The following PTH2R variants were observed in gnomAD, a reference collection of about 807,000 sequenced individuals.
PTH2R encodes PTH2 receptor.
A neutral mutation model predicts 60.3 loss-of-function variants in PTH2R; 59 were observed. The ratio of observed to expected loss-of-function variants is 0.98; its 90% CI spans 0.79 to 1.22. The LOEUF is 1.22. Among genes scored for constraint, PTH2R ranks in the 50% most tolerant of loss-of-function variants. PTH2R has a pLI of 0.00. For synonymous variants in PTH2R, 256 were observed against 243.8 expected (o/e 1.05, Z -0.47); for missense variants, 749 against 682.6 (o/e 1.10, Z -1.08).
At chr2:208,490,871 C>T (rs1703389303) in intron 12 of PTH2R, among the ~76,000 whole-genome samples, 191 bp downstream of exon 12, 1 of 152,188 alleles carries the variant, frequency 6.6e-6, no homozygotes, top group African/African-American at 2.4e-5. Context: ...CCTCTTCTAG[C>T]ACTTTTAAAT....
chr2:208,460,004 TA>T lies in PTH2R; in HGVS notation c.981+45del, dbSNP rs774230076. The T allele has an allele frequency of 9.1e-5, 139 of 1,532,188 alleles. No homozygotes were observed. In the Admixed American group the frequency reaches 2.4e-3, roughly 26 times the overall value. The allele number at this position is 1,532,188 out of a possible 1,614,324, so 94.9% of individuals were successfully genotyped here. On this transcript the variant is annotated intron_variant, in intron 9 of 12. Transcript: ENST00000272847. Reference sequence around the variant, plus strand: ...TATAGTTAAAAAAGGGATGAAAAATTAACCTGCTGCTAAAACCCAGAGAAAG... The same window carrying T: ...TATAGTTAAAAAAGGGATGAAAAATTACCTGCTGCTAAAACCCAGAGAAAG...
chr2:208,437,904 G>A (rs1702108459), intron 4 of PTH2R, 23 bp downstream of exon 4: 1 of 1,601,602 alleles, frequency 6.2e-7, no homozygotes, highest in South Asian at 1.1e-5. Context: ...CTCTATTTGT[G>A]AATTCCTAAG....
chr2:208,397,278 C>G (rs1701228026), intron 1 of PTH2R, among the ~76,000 whole-genome samples: 1 of 151,410 alleles, frequency 6.6e-6, no homozygotes, highest in African/African-American at 2.4e-5. Flanking sequence ...ATGTTGTGCA[C>G]ATGTACCCTA....
chr2:208,405,311 A>T (rs926451264), upstream of PTH2R, among the ~76,000 whole-genome samples: 1 of 152,236 alleles, frequency 6.6e-6, no homozygotes, highest in Non-Finnish European at 1.5e-5. Flanking sequence ...TTAGTATGCA[A>T]TTCCTTTCTC....
At chr2:208,469,779 A>G (rs1316989896) in intron 9 of PTH2R, 5 of 152,242 alleles carry the variant, frequency 3.3e-5, no homozygotes, top group Non-Finnish European at 7.3e-5. Flanking sequence ...TGATTTTTTA[A>G]TTCTTCCCTG....
chr2:208,459,297 T>A (rs1286488847), intron 8 of PTH2R, among the ~76,000 whole-genome samples: 1 of 152,118 alleles, frequency 6.6e-6, no homozygotes, highest in African/African-American at 2.4e-5. Flanking sequence ...GTACAATAAA[T>A]ACCAAAAATT....
At chr2:208,470,421 CAT>C (rs1702856888) in intron 9 of PTH2R, among the ~76,000 whole-genome samples, 1 of 151,404 alleles carries the variant, frequency 6.6e-6, no homozygotes, top group Admixed American at 6.5e-5. Context: ...TGAATTTCCA[CAT>C]GTTGTGGGAG....
Position 208,407,453 on chromosome 2 carries a change from C to A in PTH2R, c.75+335C>A, listed in dbSNP as rs564271154. ...AGGAACTTTTCTTACTCTTAAACTC[C>A]GTGGTCCCCATTTAATTAATCGAAA... On this transcript the variant is annotated intron_variant, in intron 1 of 12. Transcript: ENST00000272847. Among the ~76,000 whole-genome samples, 3 of 152,292 alleles carry A rather than the reference C, an allele frequency of 2.0e-5. No homozygotes were observed. In the South Asian group the frequency reaches 6.2e-4, roughly 32 times the overall value.
At chr2:208,375,963 G>A (rs548157462) in intron 1 of PTH2R, among the ~76,000 whole-genome samples, 1 of 152,172 alleles carries the variant, frequency 6.6e-6, no homozygotes, top group African/African-American at 2.4e-5. Context: ...AATAGGAAGA[G>A]TTTTCTAGCT....
At chr2:208,481,570 T>A (rs970212912) in intron 10 of PTH2R, among the ~76,000 whole-genome samples, 1 of 152,206 alleles carries the variant, frequency 6.6e-6, no homozygotes, top group African/African-American at 2.4e-5. Context: ...TTTAAGAGAT[T>A]AAATTTATGA....
At chr2:208,419,947 A>G (rs1701719984) in intron 1 of PTH2R, among the ~76,000 whole-genome samples, 1 of 152,238 alleles carries the variant, frequency 6.6e-6, no homozygotes, top group Admixed American at 6.5e-5. Context: ...GTGGAATACT[A>G]TGCAGCCATA....
At chr2:208,482,566 A>G (rs1408119881) in intron 10 of PTH2R, among the ~76,000 whole-genome samples, 1 of 152,236 alleles carries the variant, frequency 6.6e-6, no homozygotes, top group Non-Finnish European at 1.5e-5. Flanking sequence ...AATTTCTAAC[A>G]GAGCCTTAAA....
At chr2:208,386,268 T>G (rs1311987380) in intron 1 of PTH2R, among the ~76,000 whole-genome samples, 1 of 152,130 alleles carries the variant, frequency 6.6e-6, no homozygotes, top group Non-Finnish European at 1.5e-5. Context: ...CACTCTGTGT[T>G]TGTGCTGTGA....
At chr2:208,481,479 G>A (rs1487565227) in intron 10 of PTH2R, among the ~76,000 whole-genome samples, 1 of 152,052 alleles carries the variant, frequency 6.6e-6, no homozygotes, top group Non-Finnish European at 1.5e-5. Context: ...CCAAAGTCCT[G>A]GGGTTACAGG....
chr2:208,407,064 G>A lies in PTH2R; in HGVS notation c.21G>A (p.Ser7=). Residue 7 remains serine, a synonymous_variant, in exon 1 of 13, where the codon TCG becomes TCA. Coordinates refer to ENST00000272847, the MANE Select transcript of PTH2R (RefSeq NM_005048.4). ...CGGGCATGGCCGGGCTGGGGGCGTC[G>A]CTCCACGTCTGGGGTTGGCTAATGC... The part of the protein sequence containing the change: MAGLGA[S]LHVWGWLMLG... 1.4e-6 allele frequency: 2 copies of A among 1,393,178 alleles called. No homozygotes were observed. Among genetic ancestry groups the A allele is most frequent in the Non-Finnish European group, 9.4e-7 (1 of 1,066,594 alleles). The allele number at this position is 1,393,178 out of a possible 1,614,324, so 86.3% of individuals were successfully genotyped here.
In PTH2R at chr2:208,428,141, G is replaced by A. The variant is rs2105854293; in HGVS notation, c.76-60G>A. The A allele has an allele frequency of 4.0e-6, 5 of 1,264,420 alleles. No homozygotes were observed. In the East Asian group the frequency reaches 9.4e-5, roughly 24 times the overall value. 78.3% of individuals were successfully genotyped at this position (1,264,420 alleles called of 1,614,324 possible). On this transcript the variant is annotated intron_variant, in intron 1 of 12. Coordinates refer to ENST00000272847, the MANE Select transcript of PTH2R (RefSeq NM_005048.4). ...TAGATTAGAAGGTGAAATAATGAAA[G>A]CTTGTATCCTGGCTTGAAAAAACAT... is the stretch of plus-strand genomic sequence containing the variant.
rs1703448549 is a variant in PTH2R at position 208,493,277 on chromosome 2, TGAA to T, written c.1277_1279del (p.Lys426del). 1 of 1,508,552 alleles carries T rather than the reference TGAA, an allele frequency of 6.6e-7. No individual in the cohort carries two copies. Among genetic ancestry groups the T allele is most frequent in the Admixed American group, 2.2e-5 (1 of 45,026 alleles). 93.4% of individuals were successfully genotyped at this position (1,508,552 alleles called of 1,614,324 possible). A position where few individuals can be genotyped will look rare whatever the true frequency, so the allele number is the denominator to read the frequency against. On this transcript the variant is annotated inframe_deletion, in exon 13 of 13. Transcript: ENST00000272847. The stretch of plus-strand genomic sequence containing the variant: ...CTCGTGGCTTAGGTTCAGGCAGAGG[TGAA>T]GAAGATGTGGAGTCGGTGGAACCTC...
chr2:208,426,292 C>G (rs1422901714), intron 1 of PTH2R, among the ~76,000 whole-genome samples: 1 of 152,152 alleles, frequency 6.6e-6, no homozygotes, highest in African/African-American at 2.4e-5. Flanking sequence ...GGAAAAATTA[C>G]TAACATCTAT....
chr2:208,461,367 T>C (rs548605343), intron 9 of PTH2R, among the ~76,000 whole-genome samples: 10 of 152,296 alleles, frequency 6.6e-5, no homozygotes, highest in African/African-American at 2.2e-4. Context: ...TGCTCAGATT[T>C]CCCTTTCACT....
Sources: gnomAD v4.1 joint callset for allele counts (sites outside exome capture counted in the v4.1 genomes callset) on GRCh38, gnomAD v4.1.1 for gene constraint, MANE v1.5 for transcripts, NCBI Gene and HGNC (gene_info 2026-07-23, HGNC 2026-07-21) for gene names.